Variants in TMEM117 observed in about 807,000 individuals in gnomAD.
TMEM117 encodes the protein transmembrane protein 117.
Under a neutral mutation model 52.4 loss-of-function variants are expected in TMEM117, and 27 were observed. That is an observed-to-expected ratio of 0.51 (90% CI 0.38 to 0.71). The LOEUF (loss-of-function observed/expected upper bound fraction) is 0.71, where lower values mean the gene tolerates loss of function less well. TMEM117 is among the 30% of genes least tolerant of loss of function. The pLI is 0.00. For synonymous variants in TMEM117, 215 were observed against 206.3 expected (o/e 1.04, Z -0.36); for missense variants, 556 against 630.5 (o/e 0.88, Z 1.26).
At chr12:44,095,557 G>C (rs1336640765) in intron 3 of TMEM117, among the ~76,000 whole-genome samples, 2 of 152,006 alleles carry the variant, frequency 1.3e-5, no homozygotes, top group Admixed American at 6.6e-5. Context: ...GTACAGAAGT[G>C]AGAAGAAAAA....
In TMEM117 at chr12:44,334,842, C is replaced by A. The variant is rs1465933678; in HGVS notation, c.768+35103C>A. ...GATTCATGATCTAAGAAAAAAAATT[C>A]AGTTATATGCTCAACACTATAAAAA... On this transcript the variant is annotated intron_variant, in intron 6 of 7. Transcript: ENST00000266534. Among the ~76,000 whole-genome samples the A allele has an allele frequency of 3.3e-5, 5 of 151,912 alleles. No individual in the cohort carries two copies. The South Asian group carries it at 8.3e-4, about 25-fold the overall frequency.
At chr12:44,172,391 A>G (rs1015950857) in intron 4 of TMEM117, among the ~76,000 whole-genome samples, 3 of 152,022 alleles carry the variant, frequency 2.0e-5, no homozygotes, top group Admixed American at 1.3e-4. Flanking sequence ...GGCTTGTGGT[A>G]TCGTAATTCA....
chr12:43,945,052 A>G (rs951884925), intron 3 of TMEM117, among the ~76,000 whole-genome samples: 1 of 151,976 alleles, frequency 6.6e-6, no homozygotes, highest in Non-Finnish European at 1.5e-5. Context: ...CGGAGGTTGC[A>G]GTGAGCCAAG....
intron 3 of TMEM117, among the ~76,000 whole-genome samples, chr12:44,029,644 A>G (rs1382019383): frequency 1.3e-5 from 2 of 152,210 alleles, no homozygotes; most frequent in Non-Finnish European, 2.9e-5. Context: ...GGTTGAAAGA[A>G]TGGTAAAAAT....
At chr12:43,830,625 AAAAG>A in the TMEM117 span, among the ~76,000 whole-genome samples, 1 of 151,878 alleles carries the variant, frequency 6.6e-6, no homozygotes, top group African/African-American at 2.4e-5. Flanking sequence ...AAAAAAAAAA[AAAAG>A]AAAACTGTTT....
At chr12:44,002,709 G>A (rs769479414) in intron 3 of TMEM117, among the ~76,000 whole-genome samples, 5 of 152,004 alleles carry the variant, frequency 3.3e-5, no homozygotes, top group Non-Finnish European at 5.9e-5. Flanking sequence ...CATGATTATC[G>A]ATCCTTGAGA....
chr12:43,978,876 C>T (rs1251178467), intron 3 of TMEM117, among the ~76,000 whole-genome samples: 1 of 151,556 alleles, frequency 6.6e-6, no homozygotes, highest in Non-Finnish European at 1.5e-5. Flanking sequence ...GAAGTATAGC[C>T]TTGGGGCCAT....
At chr12:44,224,882 T>C (rs1423946011) in intron 5 of TMEM117, among the ~76,000 whole-genome samples, 1 of 152,034 alleles carries the variant, frequency 6.6e-6, no homozygotes, top group African/African-American at 2.4e-5. Context: ...CTTCCTCAGC[T>C]CTCTTCCCAA....
intron 3 of TMEM117, among the ~76,000 whole-genome samples, chr12:44,119,603 C>G (rs564002305): frequency 9.2e-5 from 14 of 152,124 alleles, no homozygotes; most frequent in Non-Finnish European, 1.8e-4. Flanking sequence ...TTCTGAGACC[C>G]TTTGTGGCTT....
At chr12:43,806,770 AAT>A in the TMEM117 span, among the ~76,000 whole-genome samples, 1 of 152,210 alleles carries the variant, frequency 6.6e-6, no homozygotes, top group Non-Finnish European at 1.5e-5. Flanking sequence ...TGAAAGAATT[AAT>A]ATAGACTGCC....
rs371417250 is a variant in TMEM117, at chr12:44,123,160, G to A, written c.411-20365G>A. Among the ~76,000 whole-genome samples, 13 of 151,742 alleles carry A rather than the reference G, an allele frequency of 8.6e-5. No individual in the cohort carries two copies. In the East Asian group the frequency reaches 1.7e-3, roughly 20 times the overall value. ...TTTGATTTGCATTTCTCTAATAATC[G>A]TTGTTGAGCTTTTTTTCATGTTTGT... On this transcript the variant is annotated intron_variant, in intron 3 of 7. Transcript: ENST00000266534.
intron 3 of TMEM117, among the ~76,000 whole-genome samples, chr12:44,087,019 A>T (rs966577707): frequency 1.4e-5 from 2 of 147,880 alleles, no homozygotes; most frequent in African/African-American, 4.9e-5. Context: ...TTATATAATT[A>T]ATAATTATAA....
At chr12:44,363,528 T>G (rs903556190) in intron 6 of TMEM117, among the ~76,000 whole-genome samples, 4 of 152,204 alleles carry the variant, frequency 2.6e-5, no homozygotes, top group Non-Finnish European at 5.9e-5. Context: ...TGTCAGGGCA[T>G]GATTAATCAT....
At chr12:44,382,851 C>A (rs1258651359) in intron 7 of TMEM117, among the ~76,000 whole-genome samples, 1 of 152,158 alleles carries the variant, frequency 6.6e-6, no homozygotes, top group Admixed American at 6.5e-5. Flanking sequence ...ATGGCCTCCT[C>A]ATGACCCAAG....
At chr12:44,176,432 A>G (rs1949117456) in intron 4 of TMEM117, among the ~76,000 whole-genome samples, 1 of 152,206 alleles carries the variant, frequency 6.6e-6, no homozygotes, top group African/African-American at 2.4e-5. Context: ...TTTGTTAACT[A>G]GTAATCTCAT....
chr12:44,018,484 G>A (rs1485453152), intron 3 of TMEM117, among the ~76,000 whole-genome samples: 1 of 152,032 alleles, frequency 6.6e-6, no homozygotes, highest in Non-Finnish European at 1.5e-5. Flanking sequence ...ATTAGAAATG[G>A]CCAAAGTAAT....
At chr12:44,354,496 A>T (rs1263871843) in intron 6 of TMEM117, among the ~76,000 whole-genome samples, 1 of 152,128 alleles carries the variant, frequency 6.6e-6, no homozygotes, top group Non-Finnish European at 1.5e-5. Flanking sequence ...CATCCCTGGG[A>T]TGCAAGGCTG....
the TMEM117 span, chr12:43,797,331 G>T: frequency 6.3e-7 from 1 of 1,597,488 alleles, no homozygotes; most frequent in East Asian, 2.2e-5. Context: ...TCCTTCATGG[G>T]AATGTTTATA....
intron 5 of TMEM117, among the ~76,000 whole-genome samples, chr12:44,252,799 A>T (rs987241345): frequency 6.6e-6 from 1 of 152,212 alleles, no homozygotes; most frequent in African/African-American, 2.4e-5. Context: ...ATCTAGCGGG[A>T]TATTTTTGAC....
Sources: gnomAD v4.1 joint callset for allele counts (sites outside exome capture counted in the v4.1 genomes callset) on GRCh38, gnomAD v4.1.1 for gene constraint, MANE v1.5 for transcripts, NCBI Gene and HGNC (gene_info 2026-07-23, HGNC 2026-07-21) for gene names.